The following VAV2 variants were observed in gnomAD, a reference collection of about 807,000 sequenced individuals.
VAV2 encodes the protein vav guanine nucleotide exchange factor 2, also known as guanine nucleotide exchange factor VAV2.
A neutral mutation model predicts 132.5 loss-of-function variants in VAV2; 67 were observed. That is an observed-to-expected ratio of 0.51 (90% CI 0.42 to 0.62). The LOEUF (loss-of-function observed/expected upper bound fraction) is 0.62. Ranked by LOEUF, VAV2 falls within the 20% of genes least tolerant of loss-of-function variation. VAV2 has a pLI of 0.00. For synonymous variants in VAV2, 492 were observed against 443.5 expected, an observed-to-expected ratio of 1.11 and a Z score of -1.37; for missense variants, 938 against 1,153.6, an observed-to-expected ratio of 0.81 and a Z score of 2.71.
In VAV2 at chr9:133,928,412, C is replaced by T. The variant is rs769257724; in HGVS notation, c.321+10691G>A. 1.1e-4 allele frequency among the ~76,000 whole-genome samples: 17 copies of T among 152,202 alleles called. No homozygotes were observed. The highest frequency in any genetic ancestry group is 2.1e-4 in the Non-Finnish European group (14 of 68,048). On this transcript the variant is annotated intron_variant, in intron 2 of 29. Transcript: ENST00000371850. The surrounding 1 kb of genome is among the most constrained non-coding windows in gnomAD (Gnocchi z 5.4). ...GCCGGGAGCCTGAGGCAGCTCCCCA[C>T]CCCAGCGAGGAGCGACTGCATTTTA...
intron 7 of VAV2, among the ~76,000 whole-genome samples, chr9:133,808,784 C>A (rs567426997): frequency 7.2e-5 from 11 of 152,318 alleles, no homozygotes; most frequent in African/African-American, 2.6e-4. Flanking sequence ...AAGCCGTAAT[C>A]CCACCCCGAT....
chr9:133,897,042 C>T (rs940156201), intron 2 of VAV2, among the ~76,000 whole-genome samples: 10 of 152,080 alleles, frequency 6.6e-5, no homozygotes, highest in Non-Finnish European at 1.0e-4. Context: ...TGCAGTGAGC[C>T]GACATCGTGC....
At chr9:133,905,050 T>G (rs1816299215) in intron 2 of VAV2, among the ~76,000 whole-genome samples, 2 of 151,966 alleles carry the variant, frequency 1.3e-5, no homozygotes, top group South Asian at 4.2e-4. Context: ...CGTGGAGGCT[T>G]CTCCCAGGGC....
intron 25 of VAV2, 31 bp downstream of exon 25, chr9:133,774,904 G>C (rs756230564): frequency 1.3e-6 from 2 of 1,584,174 alleles, no homozygotes; most frequent in Non-Finnish European, 1.7e-6. Context: ...ATTGGGGGAT[G>C]GGTCTCCTCG....
intron 2 of VAV2, among the ~76,000 whole-genome samples, chr9:133,886,852 C>T (rs1564436246): frequency 6.6e-6 from 1 of 152,382 alleles, no homozygotes; most frequent in East Asian, 1.9e-4. Context: ...GTCTGCTGGG[C>T]TTACAGGTCC....
chr9:133,990,006 C>T (rs1157142091), intron 1 of VAV2, among the ~76,000 whole-genome samples: 1 of 152,280 alleles, frequency 6.6e-6, no homozygotes, highest in South Asian at 2.1e-4. Flanking sequence ...AAGGGTGTGC[C>T]TTCTGTGCCT....
chr9:133,929,001 G>C (rs1295801397), intron 2 of VAV2, among the ~76,000 whole-genome samples: 2 of 152,176 alleles, frequency 1.3e-5, no homozygotes, highest in African/African-American at 4.8e-5. Flanking sequence ...ACGAGACCCA[G>C]CCCATGAAAA....
At position 133,919,680 on chromosome 9, in the gene VAV2, A is replaced by T. The variant is rs1009417213; in HGVS notation, c.321+19423T>A. Among the ~76,000 whole-genome samples the T allele has an allele frequency of 1.3e-5, 2 of 152,166 alleles. No individual in the cohort carries two copies. Among genetic ancestry groups the T allele is most frequent in the Non-Finnish European group, 2.9e-5 (2 of 68,028 alleles). On this transcript the variant is annotated intron_variant, in intron 2 of 29. Transcript: ENST00000371850. The surrounding 1 kb of genome is among the most constrained non-coding windows in gnomAD (Gnocchi z 5.8). ...CTCAAATATTTCAGTCTCAGATCAG[A>T]GAGGAATGTAAGCCGGAAACAGCGC...
At chr9:133,979,592 G>A (rs989649355) in intron 1 of VAV2, among the ~76,000 whole-genome samples, 1 of 152,202 alleles carries the variant, frequency 6.6e-6, no homozygotes, top group African/African-American at 2.4e-5. Context: ...CACAGAGCCC[G>A]GAGCCACGGC....
Position 133,773,433 on chromosome 9 carries a change from C to T in VAV2, c.2136-1387G>A, listed in dbSNP as rs182798781. Among the ~76,000 whole-genome samples the T allele has an allele frequency of 2.3e-3, 356 of 152,346 alleles. 2 individuals are homozygous for T. Among genetic ancestry groups the T allele is most frequent in the African/African-American group, 8.2e-3 (343 of 41,584 alleles). ...AGGCCTAGGACATTGCTGTGCACCA[C>T]TGTAGACTTTATCAACGCTGGACAC... On this transcript the variant is annotated intron_variant, in intron 25 of 29. Transcript: ENST00000371850.
chr9:133,807,379 A>C, intron 7 of VAV2, 53 bp from the exon 8 acceptor site: 24 of 1,532,990 alleles, frequency 1.6e-5, no homozygotes, highest in Non-Finnish European at 2.0e-5. Flanking sequence ...CCACCCTCTC[A>C]AGGTCACAGC....
chr9:133,925,498 A>G lies in VAV2; in HGVS notation c.321+13605T>C, dbSNP rs575391658. Among the ~76,000 whole-genome samples the G allele has an allele frequency of 1.4e-4, 21 of 152,364 alleles. No individual in the cohort carries two copies. In the South Asian group the frequency reaches 1.7e-3, roughly 12 times the overall value. On this transcript the variant is annotated intron_variant, in intron 2 of 29. Transcript: ENST00000371850. ...TTCCCAAAGTGCTGGGATTACAGGCATGAGCCACTGTACCTGGTCACAGTA... is the reference window on the plus strand; with the variant it reads ...TTCCCAAAGTGCTGGGATTACAGGCGTGAGCCACTGTACCTGGTCACAGTA...
chr9:133,809,022 G>T lies in VAV2; in HGVS notation c.666+18C>A. 2 of 1,609,340 alleles carry T rather than the reference G, an allele frequency of 1.2e-6. No individual in the cohort carries two copies. The highest frequency in any genetic ancestry group is 1.7e-6 in the Non-Finnish European group (2 of 1,176,422). ...CAGTGGCCGCTGCCATTTTCCAGTG[G>T]CCGCCATCTGCCCTCACCTTCTCAA... is the stretch of plus-strand genomic sequence containing the variant. On this transcript the variant is annotated intron_variant, in intron 7 of 29. Transcript: ENST00000371850.
intron 2 of VAV2, among the ~76,000 whole-genome samples, chr9:133,892,116 G>A (rs982690934): frequency 7.9e-6 from 1 of 127,328 alleles, no homozygotes. Flanking sequence ...CATTGGGTAC[G>A]GGGTGGAAGG....
At position 133,779,942 on chromosome 9, in the gene VAV2, G is replaced by T; in HGVS notation, c.1741-3C>A. 6.2e-7 allele frequency: 1 copy of T among 1,612,596 alleles called. No homozygotes were observed. Among genetic ancestry groups the T allele is most frequent in the South Asian group, 1.1e-5 (1 of 90,924 alleles). ...CCTGGTCCCGCTCCGGAGGCGTCCT[G>T]TGAGGACAAGGACAGAACACAGAGA... On this transcript the variant is annotated splice_region_variant and splice_polypyrimidine_tract_variant and intron_variant, in intron 20 of 29. Transcript: ENST00000371850.
intron 3 of VAV2, among the ~76,000 whole-genome samples, chr9:133,835,225 G>C (rs1360894126): frequency 6.6e-6 from 1 of 152,100 alleles, no homozygotes; most frequent in Non-Finnish European, 1.5e-5. Flanking sequence ...GGGGTGGAAG[G>C]AAGCGCTTTT....
intron 2 of VAV2, among the ~76,000 whole-genome samples, chr9:133,909,406 T>A (rs1158202083): frequency 6.6e-6 from 1 of 152,224 alleles, no homozygotes; most frequent in Non-Finnish European, 1.5e-5. Context: ...TCTCTGCCTC[T>A]GTTTCTCCAT....
In VAV2 at chr9:133,962,937, T is replaced by C. The variant is rs143003912; in HGVS notation, c.205-23718A>G. 5.8e-3 allele frequency among the ~76,000 whole-genome samples: 876 copies of C among 152,332 alleles called. 5 individuals are homozygous for C. Among genetic ancestry groups the C allele is most frequent in the African/African-American group, 0.02 (843 of 41,584 alleles). ...TTCATGGCTGCTAAAAGTCTTCTTT[T>C]TCCAGAGCAAATTTTGCAAATCTCA... is the stretch of plus-strand genomic sequence containing the variant. On this transcript the variant is annotated intron_variant, in intron 1 of 29. Coordinates refer to ENST00000371850, the MANE Select transcript of VAV2 (RefSeq NM_001134398.2).
intron 19 of VAV2, among the ~76,000 whole-genome samples, chr9:133,781,451 C>T (rs576169674): frequency 1.3e-5 from 2 of 152,354 alleles, no homozygotes; most frequent in African/African-American, 4.8e-5. Flanking sequence ...TCCACAGACA[C>T]CACAGAACAG....
Sources: gnomAD v4.1 joint callset for allele counts (sites outside exome capture counted in the v4.1 genomes callset) on GRCh38, gnomAD v4.1.1 for gene constraint, Gnocchi (gnomAD v3.1) non-coding constraint, MANE v1.5 for transcripts, NCBI Gene and HGNC (gene_info 2026-07-23, HGNC 2026-07-21) for gene names.